FAM81A: variants seen among roughly 807,000 people sequenced by gnomAD.
FAM81A encodes family with sequence similarity 81 member A.
FAM81A carries 19 observed loss-of-function variants against 46.7 expected under a neutral mutation model. The ratio of observed to expected loss-of-function variants is 0.41; its 90% CI spans 0.28 to 0.60. The LOEUF is 0.60. Ranked by LOEUF, FAM81A falls within the 20% of genes least tolerant of loss-of-function variation. The pLI is 0.34. For synonymous variants in FAM81A, 183 were observed against 152.9 expected (o/e 1.20, Z -1.45); for missense variants, 377 against 453.5 (o/e 0.83, Z 1.53).
chr15:59,497,230 G>A (rs1175814204), intron 4 of FAM81A, among the ~76,000 whole-genome samples: 3 of 151,908 alleles, frequency 2.0e-5, no homozygotes, highest in Admixed American at 6.6e-5. Context: ...GGCAGATCAC[G>A]AGATCAGGAG....
chr15:59,409,582 C>T (rs1596459714), intron 2 of FAM81A, among the ~76,000 whole-genome samples: 1 of 152,154 alleles, frequency 6.6e-6, no homozygotes, highest in African/African-American at 2.4e-5. Flanking sequence ...ACAGATCACT[C>T]ACCGGGACTG....
chr15:59,459,062 T>C (rs1388694415), intron 2 of FAM81A, among the ~76,000 whole-genome samples: 1 of 152,248 alleles, frequency 6.6e-6, no homozygotes, highest in African/African-American at 2.4e-5. Context: ...AGTGGCACAG[T>C]CACAGCTCAC....
chr15:59,506,516 T>G (rs2082151000), intron 4 of FAM81A, among the ~76,000 whole-genome samples: 1 of 152,220 alleles, frequency 6.6e-6, no homozygotes, highest in Non-Finnish European at 1.5e-5. Context: ...CTGTCTCTAC[T>G]GAGCCCAGTA....
intron 7 of FAM81A, among the ~76,000 whole-genome samples, chr15:59,516,016 T>C (rs1174975866): frequency 6.6e-6 from 1 of 152,200 alleles, no homozygotes; most frequent in Non-Finnish European, 1.5e-5. Context: ...TCTGGCTGAA[T>C]TCCAGAAAGG....
chr15:59,509,096 A>G (rs1354708717), intron 6 of FAM81A, 127 bp downstream of exon 6: 2 of 722,704 alleles, frequency 2.8e-6, no homozygotes, highest in Non-Finnish European at 4.3e-6. Context: ...AGTTAAAAAG[A>G]AAAGTTTCCT....
chr15:59,478,922 A>G (rs2081809300), intron 3 of FAM81A, among the ~76,000 whole-genome samples: 1 of 152,256 alleles, frequency 6.6e-6, no homozygotes, highest in African/African-American at 2.4e-5. Flanking sequence ...AACCAAAGAC[A>G]GGATGGACAG....
At chr15:59,491,811 C>A (rs1471179839) in intron 3 of FAM81A, among the ~76,000 whole-genome samples, 6 of 151,976 alleles carry the variant, frequency 3.9e-5, no homozygotes, top group Non-Finnish European at 5.9e-5. Context: ...ATTAAAAATG[C>A]AAAACTTAGC....
chr15:59,457,625 G>C (rs2081500653), intron 1 of FAM81A, among the ~76,000 whole-genome samples: 1 of 152,166 alleles, frequency 6.6e-6, no homozygotes, highest in African/African-American at 2.4e-5. Flanking sequence ...GGGCACCATA[G>C]CTTGTTTGGC....
intron 1 of FAM81A, among the ~76,000 whole-genome samples, chr15:59,447,069 A>G (rs1248423124): frequency 3.3e-5 from 5 of 152,222 alleles, no homozygotes; most frequent in Non-Finnish European, 5.9e-5. Flanking sequence ...GAAAATAAGG[A>G]AAAGCAGAAT....
At chr15:59,506,880 G>A (rs2082154815) in intron 4 of FAM81A, among the ~76,000 whole-genome samples, 1 of 152,144 alleles carries the variant, frequency 6.6e-6, no homozygotes, top group South Asian at 2.1e-4. Context: ...GAAAGGCAGG[G>A]GTGGTACTGA....
chr15:59,452,983 G>A (rs1227579830), intron 1 of FAM81A, among the ~76,000 whole-genome samples: 1 of 152,148 alleles, frequency 6.6e-6, no homozygotes, highest in East Asian at 1.9e-4. Flanking sequence ...GGCTGGTCTT[G>A]AACTCCTGGG....
chr15:59,478,374 G>A (rs534966362), intron 3 of FAM81A, among the ~76,000 whole-genome samples: 6 of 152,170 alleles, frequency 3.9e-5, no homozygotes, highest in Non-Finnish European at 7.3e-5. Flanking sequence ...ATTTGCAAAA[G>A]GACTACTGGA....
intron 3 of FAM81A, among the ~76,000 whole-genome samples, chr15:59,464,647 C>G (rs1026378352): frequency 6.6e-6 from 1 of 151,936 alleles, no homozygotes; most frequent in Non-Finnish European, 1.5e-5. Flanking sequence ...AATCATTTAC[C>G]CATTTAAAAA....
At chr15:59,451,039 A>G (rs1214808817) in intron 1 of FAM81A, among the ~76,000 whole-genome samples, 10 of 152,324 alleles carry the variant, frequency 6.6e-5, no homozygotes, top group South Asian at 4.1e-4. Context: ...GGGGCACCCT[A>G]TGAGTCTGTC....
At chr15:59,451,780 T>A (rs2081422194) in intron 1 of FAM81A, among the ~76,000 whole-genome samples, 1 of 149,822 alleles carries the variant, frequency 6.7e-6, no homozygotes, top group Admixed American at 6.7e-5. Flanking sequence ...CTTCAAGCTC[T>A]GCTTTTAGTA....
intron 2 of FAM81A, among the ~76,000 whole-genome samples, chr15:59,431,907 C>G (rs1192299425): frequency 1.3e-5 from 2 of 152,204 alleles, no homozygotes; most frequent in Admixed American, 6.5e-5. Context: ...TCCTGCAACC[C>G]TTTCACATTG....
chr15:59,416,067 T>C (rs1410909865), intron 2 of FAM81A, among the ~76,000 whole-genome samples: 2 of 152,040 alleles, frequency 1.3e-5, no homozygotes, highest in African/African-American at 2.4e-5. Flanking sequence ...CACAGAAAAA[T>C]GGAAAGAGCA....
At chr15:59,501,732 A>G (rs2082092945) in intron 4 of FAM81A, among the ~76,000 whole-genome samples, 2 of 152,188 alleles carry the variant, frequency 1.3e-5, no homozygotes, top group South Asian at 4.1e-4. Flanking sequence ...CTGGAATTGT[A>G]TCTGGGAGGT....
intron 3 of FAM81A, among the ~76,000 whole-genome samples, chr15:59,472,270 G>A (rs1028822267): frequency 6.6e-6 from 1 of 152,074 alleles, no homozygotes; most frequent in Non-Finnish European, 1.5e-5. Context: ...GAACCTCGGA[G>A]GTTGCTGCAG....
Sources: allele counts gnomAD v4.1 joint callset (sites outside exome capture counted in the v4.1 genomes callset), GRCh38; gene constraint gnomAD v4.1.1; transcripts MANE v1.5; gene names NCBI Gene and HGNC (gene_info 2026-07-23, HGNC 2026-07-21).